ZNF205: variants seen among roughly 807,000 people sequenced by gnomAD.
The protein encoded by ZNF205 is transcriptional repressor RHIT.
Under a neutral mutation model 53.6 loss-of-function variants are expected in ZNF205, and 32 were observed. The observed-to-expected ratio is 0.60, with a 90% CI of 0.45 to 0.80. The LOEUF (loss-of-function observed/expected upper bound fraction) is 0.80, where lower values mean the gene tolerates loss of function less well. ZNF205 is among the 30% of genes least tolerant of loss of function. The pLI is 0.00. For missense variants in ZNF205, 836 were observed against 782.4 expected (o/e 1.07, Z -0.82); for synonymous variants, 382 against 334.3 (o/e 1.14, Z -1.56).
chr16:3,118,534 C>T (rs975864036), intron 5 of ZNF205, among the ~76,000 whole-genome samples: 5 of 152,194 alleles, frequency 3.3e-5, no homozygotes, highest in Non-Finnish European at 7.4e-5. Context: ...ATGGGATGAC[C>T]TTAGTCGTTG....
chr16:3,115,101 G>T, intron 2 of ZNF205: 1 of 344,666 alleles, frequency 2.9e-6, no homozygotes. Flanking sequence ...ACACTGCTGA[G>T]GTCAGTGTGA....
rs201485009 is a variant in ZNF205 at position 3,113,446 on chromosome 16, G to A, written c.16G>A (p.Gly6Arg). 11 of 1,613,558 alleles carry A rather than the reference G, an allele frequency of 6.8e-6. No individual in the cohort carries two copies. The highest frequency in any genetic ancestry group is 1.7e-5 in the Admixed American group (1 of 59,880). Residue 6 changes from glycine (G) to arginine (R), a missense_variant, in exon 2 of 7, where the codon GGA (glycine) becomes AGA (arginine). Physicochemically the swap from Gly to Arg is moderately radical, Grantham distance 125. Transcript: ENST00000219091. MSADG[G>R]GIQDTQDKET... ...GAAATAGAAAATGTCTGCAGACGGC[G>A]GAGGCATCCAGGACACCCAGGACAA...
At chr16:3,119,179 C>G in intron 6 of ZNF205, 77 bp from the exon 7 acceptor site, 1 of 1,515,862 alleles carries the variant, frequency 6.6e-7, no homozygotes, top group Non-Finnish European at 8.8e-7. Context: ...AGCCCCCACC[C>G]TTAGCTCTGC....
chr16:3,120,353 C>T lies in ZNF205; in HGVS notation c.*28C>T. 6.8e-7 allele frequency: 1 copy of T among 1,473,782 alleles called. No homozygotes were observed. Among genetic ancestry groups the T allele is most frequent in the South Asian group, 1.4e-5 (1 of 73,252 alleles). 91.3% of individuals were successfully genotyped at this position (1,473,782 alleles called of 1,614,324 possible). A position where few individuals can be genotyped will look rare whatever the true frequency, so the allele number is the denominator to read the frequency against. On this transcript the variant is annotated 3_prime_UTR_variant, in exon 7 of 7. Coordinates refer to ENST00000219091, the MANE Select transcript of ZNF205 (RefSeq NM_001042428.2). ...GGCCAGGAAAGGGGGAGCGGGGCGC[C>T]CAGGGCCACTGGAACAGCCCCACTG...
Position 3,115,411 on chromosome 16 carries a change from A to T in ZNF205, c.114A>T (p.Val38=). 1 of 1,610,114 alleles carries T rather than the reference A, an allele frequency of 6.2e-7. No individual in the cohort carries two copies. ...TGCCTTCTAAGCTGGGGGAGGCGGTACCTTCAGGGGACACTCAGGAGTCAC... is the reference window on the plus strand; with the variant it reads ...TGCCTTCTAAGCTGGGGGAGGCGGTTCCTTCAGGGGACACTCAGGAGTCAC... The part of the protein sequence containing the change: ...QEMPSKLGEA[V]PSGDTQESLH... Residue 38 remains valine (V), a synonymous_variant, in exon 3 of 7, where the codon GTA becomes GTT. Transcript: ENST00000219091.
rs1957412555 is a variant in ZNF205, at chr16:3,120,318, C to T, written c.1658C>T (p.Pro553Leu). ...GCTCTGGCCACACCCCCACCCGCTCCCACCTAGGAGGCCAGGAAAGGGGGA... is the reference window on the plus strand; with the variant it reads ...GCTCTGGCCACACCCCCACCCGCTCTCACCTAGGAGGCCAGGAAAGGGGGA... ...AGALATPPPA[P>L]T The change falls in exon 7 of 7, where the codon CCC becomes CTC. Residue 553 changes from proline (P) to leucine (L), a missense_variant. Physicochemically the swap from Pro to Leu is moderately conservative, Grantham distance 98. Coordinates refer to ENST00000219091, the MANE Select transcript of ZNF205 (RefSeq NM_001042428.2). The T allele has an allele frequency of 6.5e-7, 1 of 1,546,978 alleles. No homozygotes were observed. The highest frequency in any genetic ancestry group is 8.7e-7 in the Non-Finnish European group (1 of 1,156,044).
intron 5 of ZNF205, among the ~76,000 whole-genome samples, chr16:3,117,270 A>G (rs1957357470): frequency 6.6e-6 from 1 of 152,062 alleles, no homozygotes; most frequent in Non-Finnish European, 1.5e-5. Context: ...CTGAGCAGCA[A>G]GCTTGGCTTC....
At chr16:3,118,284 C>A in intron 5 of ZNF205, among the ~76,000 whole-genome samples, 1 of 152,196 alleles carries the variant, frequency 6.6e-6, no homozygotes, top group Middle Eastern at 3.4e-3. Flanking sequence ...TTAGCTCAGG[C>A]TGCTCACCGC....
intron 6 of ZNF205, 83 bp downstream of exon 6, chr16:3,119,098 G>A: frequency 6.5e-7 from 1 of 1,544,634 alleles, no homozygotes; most frequent in Non-Finnish European, 8.8e-7. Flanking sequence ...GAGTGGGGCA[G>A]GGCCACCAGA....
intron 6 of ZNF205, 78 bp downstream of exon 6, chr16:3,119,093 G>A: frequency 1.3e-6 from 2 of 1,554,820 alleles, no homozygotes; most frequent in Non-Finnish European, 1.7e-6. Context: ...TGTGGGAGTG[G>A]GGCAGGGCCA....
chr16:3,118,117 C>T (rs1957368915), intron 5 of ZNF205, among the ~76,000 whole-genome samples: 1 of 151,266 alleles, frequency 6.6e-6, no homozygotes, highest in South Asian at 2.1e-4. Context: ...CCACCTCGGC[C>T]TCCCAAAGTG....
chr16:3,119,243 T>C lies in ZNF205; in HGVS notation c.596-13T>C. On this transcript the variant is annotated splice_polypyrimidine_tract_variant and intron_variant, in intron 6 of 6. Coordinates refer to ENST00000219091, the MANE Select transcript of ZNF205 (RefSeq NM_001042428.2). ...AAGCTCGTCCCTAGCTGGAAACGAC[T>C]TTCTTTTTCCAGGAGCCGTCGAGGT... The C allele has an allele frequency of 6.4e-7, 1 of 1,564,242 alleles. No homozygotes were observed. Among genetic ancestry groups the C allele is most frequent in the Non-Finnish European group, 8.7e-7 (1 of 1,153,400 alleles).
chr16:3,119,162 A>G (rs771456235), intron 6 of ZNF205, 94 bp from the exon 7 acceptor site: 1 of 1,508,208 alleles, frequency 6.6e-7, no homozygotes, highest in East Asian at 2.3e-5. Context: ...CTGGTCTCTG[A>G]GAATCCAGCC....
rs746668165 is a variant in ZNF205, at chr16:3,116,472, G to A, written c.409G>A (p.Glu137Lys). ...TGTGGCCTTGTACCTCTCCCGGGAG[G>A]AGTGGGGACGGCTGGACCACACGCA... ...EDVALYLSRE[E>K]WGRLDHTQQN... Residue 137 changes from glutamate (E) to lysine (K), a missense_variant, in exon 5 of 7, where the codon GAG (glutamate) becomes AAG (lysine). Physicochemically the swap from Glu to Lys is moderately conservative, Grantham distance 56 (BLOSUM62 1). Transcript: ENST00000219091. The A allele has an allele frequency of 9.9e-6, 16 of 1,614,034 alleles. No homozygotes were observed. In the South Asian group the frequency reaches 1.5e-4, roughly 16 times the overall value.
At chr16:3,117,809 GTATTCATT>G (rs1027350668) in intron 5 of ZNF205, among the ~76,000 whole-genome samples, 6 of 149,250 alleles carry the variant, frequency 4.0e-5, no homozygotes, top group Admixed American at 2.0e-4. Context: ...GGAAAAATCA[GTATTCATT>G]TATTCATTTA....
At position 3,112,593 on chromosome 16, in the gene ZNF205, T is replaced by TC. The variant is rs1179290667; in HGVS notation, c.-99dup. 3.0e-6 allele frequency: 1 copy of TC among 335,316 alleles called. No homozygotes were observed. The highest frequency in any genetic ancestry group is 2.2e-5 in the African/African-American group (1 of 46,194). The allele number at this position is 335,316 out of a possible 1,614,324, so 20.8% of individuals were successfully genotyped here. ...TCCCTACTCCCAGTCTCCACCCAAC[T>TC]CCCCCGCCCGCCCCGTGCAGGCTGT... On this transcript the variant is annotated 5_prime_UTR_variant, in exon 1 of 7. Coordinates refer to ENST00000219091, the MANE Select transcript of ZNF205 (RefSeq NM_001042428.2).
rs764067333 is a variant in ZNF205 at position 3,115,935 on chromosome 16, C to T, written c.363+15C>T. ...CCTGGTCCCAGGTGAGTGGCCCTTC[C>T]CCGGCCCCTGCATGGTACTCAGCCC... On this transcript the variant is annotated intron_variant, in intron 4 of 6. Coordinates refer to ENST00000219091, the MANE Select transcript of ZNF205 (RefSeq NM_001042428.2). 4.3e-6 allele frequency: 7 copies of T among 1,609,690 alleles called. No individual in the cohort carries two copies. The highest frequency in any genetic ancestry group is 3.4e-5 in the Admixed American group (2 of 59,460).
At chr16:3,116,387 A>G in intron 4 of ZNF205, 40 bp from the exon 5 acceptor site, 1 of 1,611,064 alleles carries the variant, frequency 6.2e-7, no homozygotes, top group Non-Finnish European at 8.5e-7. Flanking sequence ...CACCGTGTCC[A>G]CGTCATGTCC....
rs764090995 is a variant in ZNF205, at chr16:3,119,443, G to A, written c.783G>A (p.Pro261=). Residue 261 remains proline (P), a synonymous_variant, in exon 7 of 7, where the codon CCG becomes CCA. Transcript: ENST00000219091. The part of the protein sequence containing the change: ...SGQPAEPDRT[P]DAAPPDPSPT... ...AGCCGGCTGAGCCAGATCGCACCCC[G>A]GATGCAGCTCCGCCAGACCCCAGTC... 1.7e-5 allele frequency: 27 copies of A among 1,594,252 alleles called. No individual in the cohort carries two copies. Among genetic ancestry groups the A allele is most frequent in the Non-Finnish European group, 2.3e-5 (27 of 1,171,822 alleles).
Sources: allele counts gnomAD v4.1 joint callset (sites outside exome capture counted in the v4.1 genomes callset), GRCh38; gene constraint gnomAD v4.1.1; transcripts MANE v1.5; gene names NCBI Gene and HGNC (gene_info 2026-07-23, HGNC 2026-07-21).